CCDC82: variants seen among roughly 807,000 people sequenced by gnomAD.
CCDC82 encodes the protein coiled-coil domain-containing protein 82.
Under a neutral mutation model 60.6 loss-of-function variants are expected in CCDC82, and 47 were observed. The observed-to-expected ratio is 0.77, with a 90% CI of 0.61 to 0.99. CCDC82 has a LOEUF of 0.99. CCDC82 is among the 50% of genes least tolerant of loss of function. The pLI, the probability that CCDC82 is intolerant of heterozygous loss-of-function variation, is 0.00. For synonymous variants in CCDC82, 212 were observed against 207.4 expected, an observed-to-expected ratio of 1.02 and a Z score of -0.19; for missense variants, 588 against 633.0, an observed-to-expected ratio of 0.93 and a Z score of 0.76.
intron 5 of CCDC82, chr11:96,381,533 T>C (rs1865877709): frequency 6.6e-6 from 1 of 151,806 alleles, no homozygotes; most frequent in Non-Finnish European, 1.5e-5. Flanking sequence ...AGTATATCCA[T>C]CCAACACCTT....
chr11:96,376,881 G>A (rs12365238), intron 5 of CCDC82, among the ~76,000 whole-genome samples: 1 of 152,036 alleles, frequency 6.6e-6, no homozygotes, highest in Admixed American at 6.6e-5. Flanking sequence ...ATTTTTCTGA[G>A]ATCTTTTACC....
rs754522169 is a variant in CCDC82, at chr11:96,384,490, G to A, written c.258C>T (p.Asn86=). 3 of 1,613,698 alleles carry A rather than the reference G, an allele frequency of 1.9e-6. No homozygotes were observed. Among genetic ancestry groups the A allele is most frequent in the Admixed American group, 3.3e-5 (2 of 59,966 alleles). ...TTCCTTCACTTTGAATTTTACTTAA[G>A]TTGAGCTCTCTTTCACTTCCTGGTG... ...NKTPGSEREL[N]LSKIQSEGND... The change falls in exon 4 of 10, where the codon AAC becomes AAT. Residue 86 remains asparagine (N), a synonymous_variant. Coordinates refer to ENST00000646818, the MANE Select transcript of CCDC82 (RefSeq NM_024725.4).
intron 8 of CCDC82, among the ~76,000 whole-genome samples, chr11:96,361,252 C>T (rs1864647360): frequency 1.3e-5 from 2 of 152,160 alleles, no homozygotes; most frequent in Admixed American, 6.5e-5. Context: ...ATTTCTTTCA[C>T]ATTTATTCTG....
At chr11:96,362,255 C>CT (rs1156419614) in intron 8 of CCDC82, among the ~76,000 whole-genome samples, 1 of 152,076 alleles carries the variant, frequency 6.6e-6, no homozygotes, top group African/African-American at 2.4e-5. Flanking sequence ...TCTCTAAGCT[C>CT]TTATTTATAG....
intron 8 of CCDC82, among the ~76,000 whole-genome samples, chr11:96,360,135 T>C (rs1184062312): frequency 6.8e-6 from 1 of 147,298 alleles, no homozygotes; most frequent in Non-Finnish European, 1.5e-5. Context: ...TATTAATATA[T>C]ATTAAATATA....
At chr11:96,373,544 C>A (rs921112958) in intron 5 of CCDC82, 77 bp from the exon 6 acceptor site, 2 of 813,086 alleles carry the variant, frequency 2.5e-6, no homozygotes, top group Non-Finnish European at 4.0e-6. Context: ...CCATTCTCCA[C>A]TGCTAAGAAA....
intron 7 of CCDC82, among the ~76,000 whole-genome samples, chr11:96,368,710 C>CA (rs199732176): frequency 0.069 from 10,521 of 152,020 alleles, 408 homozygotes; most frequent in Middle Eastern, 0.082. Flanking sequence ...ACTAAAAATA[C>CA]AAAAAATCAG....
chr11:96,372,602 T>C (rs1293720262), intron 6 of CCDC82, among the ~76,000 whole-genome samples: 2 of 147,702 alleles, frequency 1.4e-5, no homozygotes, highest in East Asian at 3.9e-4. Context: ...GATTCTGTGC[T>C]AGATGCAAGA....
intron 9 of CCDC82, chr11:96,358,204 A>AT (rs1296683877): frequency 2.0e-6 from 2 of 1,008,052 alleles, no homozygotes; most frequent in East Asian, 1.9e-4. Flanking sequence ...TTAAATGTTG[A>AT]TAAGAGTTGC....
intron 6 of CCDC82, 83 bp downstream of exon 6, chr11:96,373,292 T>C (rs1413432574): frequency 1.2e-6 from 1 of 814,662 alleles, no homozygotes; most frequent in Non-Finnish European, 2.0e-6. Flanking sequence ...TTTTGTTTAA[T>C]CTACATAGTT....
intron 5 of CCDC82, among the ~76,000 whole-genome samples, chr11:96,373,690 A>T (rs1024465220): frequency 6.6e-6 from 1 of 152,168 alleles, no homozygotes. Flanking sequence ...TGTAATTTCA[A>T]ATCTTTACTT....
chr11:96,384,264 T>C lies in CCDC82; in HGVS notation c.484A>G (p.Lys162Glu). The change falls in exon 4 of 10, where the codon AAA (lysine) becomes GAA (glutamate). Residue 162 changes from lysine to glutamate, a missense_variant. Transcript: ENST00000646818. ...TCCTCTATTATTTGTCCAGTTTGTT[T>C]GTTGAGATCATTATCCTCTTGACTT... ...HLSQEDNDLN[K>E]QTGQIIEDDL... The C allele has an allele frequency of 6.2e-7, 1 of 1,613,896 alleles. No individual in the cohort carries two copies.
chr11:96,384,935 T>C (rs1866107141), intron 3 of CCDC82, 174 bp from the exon 4 acceptor site: 2 of 505,676 alleles, frequency 4.0e-6, no homozygotes, highest in East Asian at 3.2e-5. Context: ...ATTTACTGAA[T>C]GCCCATGAAA....
At chr11:96,366,686 C>T (rs1864967689) in intron 7 of CCDC82, among the ~76,000 whole-genome samples, 1 of 152,150 alleles carries the variant, frequency 6.6e-6, no homozygotes, top group South Asian at 2.1e-4. Flanking sequence ...CCCAGAAGTT[C>T]AAGTTCAGCC....
chr11:96,357,414 G>A, intron 9 of CCDC82: 1 of 985,154 alleles, frequency 1.0e-6, no homozygotes, highest in Non-Finnish European at 1.2e-6. Flanking sequence ...TGTATAACAT[G>A]ACACTTGGCT....
intron 6 of CCDC82, 48 bp from the exon 7 acceptor site, chr11:96,371,185 T>C: frequency 7.8e-7 from 1 of 1,285,506 alleles, no homozygotes; most frequent in Non-Finnish European, 1.0e-6. Context: ...TAATTAGAAA[T>C]ATTTAAACTA....
intron 8 of CCDC82, among the ~76,000 whole-genome samples, chr11:96,360,081 C>T (rs1864561790): frequency 6.7e-6 from 1 of 148,510 alleles, no homozygotes; most frequent in Non-Finnish European, 1.5e-5. Flanking sequence ...AATAGGAAGA[C>T]AGTCTGACTG....
At chr11:96,374,282 A>G (rs181834433) in intron 5 of CCDC82, among the ~76,000 whole-genome samples, 33 of 152,336 alleles carry the variant, frequency 2.2e-4, no homozygotes, top group Non-Finnish European at 4.6e-4. Context: ...AAGGGATTAA[A>G]GCAAAATAAG....
intron 9 of CCDC82, chr11:96,356,703 T>C (rs1864367170): frequency 2.1e-6 from 2 of 956,154 alleles, no homozygotes; most frequent in Non-Finnish European, 1.2e-6. Context: ...TCTTTTCTTA[T>C]ACTCAAGTTG....
Sources: allele counts gnomAD v4.1 joint callset (sites outside exome capture counted in the v4.1 genomes callset), GRCh38; gene constraint gnomAD v4.1.1; transcripts MANE v1.5; gene names NCBI Gene and HGNC (gene_info 2026-07-23, HGNC 2026-07-21).